Variants in KHDRBS2 observed in about 807,000 individuals in gnomAD.
KHDRBS2 encodes KH RNA binding domain containing, signal transduction associated 2.
KHDRBS2 carries 26 observed loss-of-function variants against 44.3 expected under a neutral mutation model. That is an observed-to-expected ratio of 0.59 (90% confidence interval 0.43 to 0.81). The LOEUF (loss-of-function observed/expected upper bound fraction) is 0.81. KHDRBS2 is among the 40% of genes least tolerant of loss of function. The pLI is 0.00. For synonymous variants in KHDRBS2, 194 were observed against 151.1 expected (o/e 1.28, Z -2.08); for missense variants, 476 against 433.1 (o/e 1.10, Z -0.88).
chr6:62,171,705 C>A (rs1309132307), intron 2 of KHDRBS2, among the ~76,000 whole-genome samples: 5 of 152,062 alleles, frequency 3.3e-5, no homozygotes, highest in Non-Finnish European at 5.9e-5. Context: ...ACAAAGGAAA[C>A]CCGATCTGGC....
chr6:62,124,184 A>T (rs1384586093), intron 2 of KHDRBS2, among the ~76,000 whole-genome samples: 1 of 152,182 alleles, frequency 6.6e-6, no homozygotes, highest in African/African-American at 2.4e-5. Flanking sequence ...CCTGAGAGTG[A>T]CCTTGTTCAT....
intron 2 of KHDRBS2, among the ~76,000 whole-genome samples, chr6:62,129,837 G>T (rs1192501068): frequency 6.6e-6 from 1 of 152,014 alleles, no homozygotes; most frequent in Non-Finnish European, 1.5e-5. Context: ...TTGGAGAATG[G>T]TATTCTAGAA....
intron 6 of KHDRBS2, among the ~76,000 whole-genome samples, chr6:61,881,903 A>G (rs1800260631): frequency 6.6e-6 from 1 of 152,038 alleles, no homozygotes; most frequent in Non-Finnish European, 1.5e-5. Flanking sequence ...TATTCTGCAA[A>G]GGCATATATT....
rs536147108 is a variant in KHDRBS2, at chr6:62,160,576, T to C, written c.219+16609A>G. On this transcript the variant is annotated intron_variant, in intron 2 of 8. Transcript: ENST00000281156. Reference sequence around the variant, plus strand: ...AGGACCACTGGAACTTTTTGAGGAGTCACATGATCTGTATGGCCTATATGT... The same window carrying C: ...AGGACCACTGGAACTTTTTGAGGAGCCACATGATCTGTATGGCCTATATGT... 9.9e-5 allele frequency among the ~76,000 whole-genome samples: 15 copies of C among 152,088 alleles called. No individual in the cohort carries two copies. The South Asian group carries it at 3.1e-3, about 32-fold the overall frequency.
intron 7 of KHDRBS2, among the ~76,000 whole-genome samples, chr6:61,719,546 C>A (rs1411100700): frequency 4.6e-5 from 7 of 151,968 alleles, no homozygotes; most frequent in African/African-American, 1.7e-4. Context: ...ATGTAACTTG[C>A]CTTAAGTCAA....
At chr6:61,631,323 A>C in the KHDRBS2 span, among the ~76,000 whole-genome samples, 2 of 149,672 alleles carry the variant, frequency 1.3e-5, no homozygotes, top group Admixed American at 1.3e-4. Context: ...AAAAAAAAAA[A>C]AAAAAAAAAA....
chr6:61,636,983 G>A, the KHDRBS2 span, among the ~76,000 whole-genome samples: 1 of 151,928 alleles, frequency 6.6e-6, no homozygotes, highest in African/African-American at 2.4e-5. Context: ...CATACAAGAA[G>A]ACACTAACCA....
chr6:62,177,184 C>G lies in KHDRBS2; in HGVS notation c.219+1G>C. 1 of 1,553,670 alleles carries G rather than the reference C, an allele frequency of 6.4e-7. No homozygotes were observed. Among genetic ancestry groups the G allele is most frequent in the South Asian group, 1.1e-5 (1 of 88,332 alleles). On this transcript the variant is annotated splice_donor_variant, in intron 2 of 8. Coordinates refer to ENST00000281156, the MANE Select transcript of KHDRBS2 (RefSeq NM_152688.4). LOFTEE classifies it high-confidence loss of function. Reference sequence around the variant, plus strand: ...TGAGAACAAAGTATATATGGTAGTACCTTTGGATACTGCTTGACAGGAATC... The same window carrying G: ...TGAGAACAAAGTATATATGGTAGTAGCTTTGGATACTGCTTGACAGGAATC...
intron 1 of KHDRBS2, among the ~76,000 whole-genome samples, chr6:62,257,518 T>C (rs1837592872): frequency 6.6e-6 from 1 of 152,202 alleles, no homozygotes; most frequent in East Asian, 1.9e-4. Flanking sequence ...ATTTTTACTT[T>C]CCCTCGAATA....
intron 2 of KHDRBS2, among the ~76,000 whole-genome samples, chr6:62,135,928 A>ATGTAT (rs1811420444): frequency 6.6e-6 from 1 of 152,128 alleles, no homozygotes; most frequent in Non-Finnish European, 1.5e-5. Context: ...AATATAGATC[A>ATGTAT]AAGGGCACGA....
At chr6:61,568,610 C>T in the KHDRBS2 span, among the ~76,000 whole-genome samples, 26 of 120,684 alleles carry the variant, frequency 2.2e-4, no homozygotes, top group Admixed American at 1.1e-3. Context: ...GAGTGGGAAA[C>T]CTGACTTTGA....
intron 7 of KHDRBS2, among the ~76,000 whole-genome samples, chr6:61,714,826 A>G (rs1261677845): frequency 6.6e-6 from 1 of 151,892 alleles, no homozygotes; most frequent in African/African-American, 2.4e-5. Flanking sequence ...TTTCTCCCTT[A>G]TAAGTAGAGC....
chr6:62,074,845 T>A (rs1481107820), intron 2 of KHDRBS2, among the ~76,000 whole-genome samples: 1 of 151,856 alleles, frequency 6.6e-6, no homozygotes, highest in Non-Finnish European at 1.5e-5. Context: ...CTGAACTACA[T>A]CCTAGAAAAT....
At chr6:62,217,800 C>G (rs1488606165) in intron 1 of KHDRBS2, among the ~76,000 whole-genome samples, 1 of 151,746 alleles carries the variant, frequency 6.6e-6, no homozygotes, top group Non-Finnish European at 1.5e-5. Flanking sequence ...ATCCATAAAG[C>G]ATCAAAATAT....
chr6:62,209,112 G>T (rs1385126133), intron 1 of KHDRBS2, among the ~76,000 whole-genome samples: 1 of 152,144 alleles, frequency 6.6e-6, no homozygotes, highest in East Asian at 1.9e-4. Context: ...TCTGATAAAG[G>T]TTAATATTCA....
intron 4 of KHDRBS2, among the ~76,000 whole-genome samples, chr6:61,967,903 C>T (rs7453640): frequency 2.6e-4 from 37 of 142,934 alleles, no homozygotes; most frequent in African/African-American, 9.4e-4. Context: ...CACACACACA[C>T]ATATATATAT....
intron 2 of KHDRBS2, among the ~76,000 whole-genome samples, chr6:62,170,899 GA>G (rs1475031844): frequency 1.4e-5 from 2 of 144,800 alleles, no homozygotes; most frequent in Admixed American, 7.0e-5. Context: ...CCAGTTGACT[GA>G]ACCCGCCTTA....
intron 7 of KHDRBS2, among the ~76,000 whole-genome samples, chr6:61,727,218 G>A (rs189163588): frequency 1.3e-5 from 2 of 152,300 alleles, no homozygotes; most frequent in East Asian, 3.9e-4. Flanking sequence ...TGGTAGAACT[G>A]TCTAGCCATA....
intron 6 of KHDRBS2, among the ~76,000 whole-genome samples, chr6:61,759,476 T>C (rs1429724019): frequency 1.3e-5 from 2 of 152,190 alleles, no homozygotes; most frequent in Admixed American, 1.3e-4. Context: ...TAAAACATTA[T>C]GAAGATACTA....
Sources: gnomAD v4.1 joint callset for allele counts (sites outside exome capture counted in the v4.1 genomes callset) on GRCh38, gnomAD v4.1.1 for gene constraint, MANE v1.5 for transcripts, NCBI Gene and HGNC (gene_info 2026-07-23, HGNC 2026-07-21) for gene names.